Variants in ZBED6 observed in about 807,000 individuals in gnomAD.
The protein encoded by ZBED6 is zinc finger BED domain-containing protein 6.
A neutral mutation model predicts 58.4 loss-of-function variants in ZBED6; 40 were observed. The observed-to-expected ratio is 0.68, with a 90% CI of 0.53 to 0.89. The LOEUF (loss-of-function observed/expected upper bound fraction) is 0.89. Ranked by LOEUF, ZBED6 falls within the 40% of genes least tolerant of loss-of-function variation. ZBED6 has a pLI of 0.00. For synonymous variants in ZBED6, 439 were observed against 350.6 expected (o/e 1.25, Z -2.82); for missense variants, 1,057 against 1,003.9 (o/e 1.05, Z -0.71).
Position 203,810,529 on chromosome 1 carries a change from C to G in ZBED6, c.*2555-6397C>G, listed in dbSNP as rs538309246. Among the ~76,000 whole-genome samples the G allele has an allele frequency of 7.3e-5, 11 of 151,478 alleles. No homozygotes were observed. In the South Asian group the frequency reaches 2.3e-3, roughly 32 times the overall value. On this transcript the variant is annotated intron_variant, in intron 1 of 16. Transcript: ENST00000550078. ...GCACCTCTGGGGTTCACACCATTCT[C>G]CTGCCTCAGCCTCCAGAGTAGCTGG...
intron 3 of ZBED6, 109 bp from the exon 4 acceptor site, chr1:203,828,190 A>T (rs1170810647): frequency 7.6e-7 from 1 of 1,309,314 alleles, no homozygotes; most frequent in East Asian, 2.5e-5. Flanking sequence ...CTCATCTCAC[A>T]TGCCTCGGAT....
chr1:203,812,189 T>C (rs1674711602), intron 1 of ZBED6, among the ~76,000 whole-genome samples: 2 of 152,156 alleles, frequency 1.3e-5, no homozygotes, highest in Admixed American at 1.3e-4. Flanking sequence ...ATGTGTGTCG[T>C]GGGGGTTTGT....
exon 1 of ZBED6, chr1:203,799,820 G>C: frequency 6.9e-7 from 1 of 1,443,064 alleles, no homozygotes; most frequent in African/African-American, 1.4e-5. Flanking sequence ...CCTGTATCTT[G>C]GCTACTTTGT....
chr1:203,827,586 G>A (rs1680952922), intron 3 of ZBED6, among the ~76,000 whole-genome samples: 1 of 151,936 alleles, frequency 6.6e-6, no homozygotes. Flanking sequence ...GGAGGCTGAG[G>A]CAGGAGAATG....
chr1:203,850,716 T>G (rs749903764), intron 15 of ZBED6, 35 bp downstream of exon 15: 2 of 1,598,770 alleles, frequency 1.3e-6, no homozygotes, highest in South Asian at 2.2e-5. Context: ...TGCTTTATTC[T>G]GTGTGGTAGG....
At chr1:203,802,491 CTA>C (rs1670823598) in exon 1 of ZBED6, 1 of 152,212 alleles carries the variant, frequency 6.6e-6, no homozygotes, top group African/African-American at 2.4e-5. Flanking sequence ...ACATAAAACA[CTA>C]TATTTTTACA....
intron 1 of ZBED6, among the ~76,000 whole-genome samples, chr1:203,813,661 A>ATG (rs908607904): frequency 1.3e-5 from 2 of 152,102 alleles, no homozygotes; most frequent in Non-Finnish European, 2.9e-5. Context: ...TGAAGGTGAG[A>ATG]TGTCTAAAAT....
At chr1:203,833,364 C>CAAAA (rs34277550) in intron 8 of ZBED6, among the ~76,000 whole-genome samples, 5 of 71,140 alleles carry the variant, frequency 7.0e-5, no homozygotes, top group African/African-American at 1.7e-4. Flanking sequence ...GACTCTGTCT[C>CAAAA]AAAAAAAAAA....
At chr1:203,797,400 G>T in exon 1 of ZBED6, 1 of 938,496 alleles carries the variant, frequency 1.1e-6, no homozygotes, top group Non-Finnish European at 1.5e-6. Context: ...TGGTCCAGTG[G>T]GAATTTGATT....
intron 9 of ZBED6, among the ~76,000 whole-genome samples, chr1:203,837,354 A>G (rs932296457): frequency 9.9e-5 from 15 of 150,882 alleles, no homozygotes; most frequent in African/African-American, 3.6e-4. Context: ...CTGAACTTTA[A>G]TCTCAACCAG....
intron 3 of ZBED6, among the ~76,000 whole-genome samples, chr1:203,825,076 C>CAAAAAAAAA (rs61108073): frequency 1.8e-5 from 2 of 108,950 alleles, no homozygotes; most frequent in Non-Finnish European, 3.5e-5. Context: ...GACTCCGTCT[C>CAAAAAAAAA]AAAAAAAAAA....
At chr1:203,823,792 G>C (rs1679568671) in intron 3 of ZBED6, among the ~76,000 whole-genome samples, 1 of 152,202 alleles carries the variant, frequency 6.6e-6, no homozygotes, top group African/African-American at 2.4e-5. Context: ...ATTTGTAATA[G>C]TAAAATACTG....
intron 11 of ZBED6, among the ~76,000 whole-genome samples, chr1:203,845,184 A>G (rs933608936): frequency 3.3e-5 from 5 of 152,126 alleles, no homozygotes; most frequent in Admixed American, 3.3e-4. Context: ...AAATTCTTCA[A>G]GATGTATGCT....
exon 1 of ZBED6, chr1:203,798,818 C>G: frequency 1.3e-6 from 2 of 1,536,126 alleles, no homozygotes; most frequent in Non-Finnish European, 8.7e-7. Flanking sequence ...CAACCCCAGC[C>G]TTTCAGAGGT....
rs561661004 is a variant in ZBED6 at position 203,797,124 on chromosome 1, G to A, written c.-399G>A. 1.0e-3 allele frequency: 163 copies of A among 156,504 alleles called. 1 individual carries two copies. The highest frequency in any genetic ancestry group is 3.8e-3 in the African/African-American group (158 of 41,702). The allele number at this position is 156,504 out of a possible 1,614,324, so 9.7% of individuals were successfully genotyped here. ...AAAATATGTATTTTACAAGGTGAAG[G>A]CATTTCAAGTAGATATAGTTCTTGA... On this transcript the variant is annotated 5_prime_UTR_variant, in exon 1 of 17. Coordinates refer to ENST00000550078, the Ensembl canonical transcript of ZBED6.
chr1:203,834,163 ATGAT>A, intron 9 of ZBED6: 1 of 798,654 alleles, frequency 1.3e-6, no homozygotes, highest in Non-Finnish European at 1.6e-6. Flanking sequence ...GGCGAGAAAA[ATGAT>A]TGGTTAATAT....
At chr1:203,810,613 G>T (rs917833142) in intron 1 of ZBED6, among the ~76,000 whole-genome samples, 25 of 151,834 alleles carry the variant, frequency 1.6e-4, no homozygotes, top group Admixed American at 2.6e-4. Context: ...TAGAGATGGG[G>T]TTTCACAGTG....
At chr1:203,813,230 G>C (rs1293734078) in intron 1 of ZBED6, among the ~76,000 whole-genome samples, 2 of 151,060 alleles carry the variant, frequency 1.3e-5, no homozygotes, top group Non-Finnish European at 2.9e-5. Flanking sequence ...TTTTTGGATG[G>C]AGTTTTGCTC....
intron 11 of ZBED6, among the ~76,000 whole-genome samples, chr1:203,843,150 T>C (rs930561235): frequency 6.6e-6 from 1 of 152,212 alleles, no homozygotes; most frequent in African/African-American, 2.4e-5. Context: ...TTCTAGGGTT[T>C]TATCTCTCCC....
Sources: gnomAD v4.1 joint callset for allele counts (sites outside exome capture counted in the v4.1 genomes callset) on GRCh38, gnomAD v4.1.1 for gene constraint, MANE v1.5 for transcripts, NCBI Gene and HGNC (gene_info 2026-07-23, HGNC 2026-07-21) for gene names.